Variants in CNTLN observed in about 807,000 individuals in gnomAD.
CNTLN encodes the protein centlein, centrosomal protein.
Under a neutral mutation model 180.0 loss-of-function variants are expected in CNTLN, and 212 were observed. The ratio of observed to expected loss-of-function variants is 1.18; its 90% CI spans 1.05 to 1.32. The LOEUF is 1.32. Among genes scored for constraint, CNTLN ranks in the 40% most tolerant of loss-of-function variants. CNTLN has a pLI of 0.00. For missense variants in CNTLN, 2,095 were observed against 1,610.9 expected (o/e 1.30, Z -5.14); for synonymous variants, 722 against 563.1 (o/e 1.28, Z -3.99).
rs1228172437 is a variant in CNTLN at position 17,178,828 on chromosome 9, C to T, written c.449+35452C>T. Among the ~76,000 whole-genome samples, 4 of 152,262 alleles carry T rather than the reference C, an allele frequency of 2.6e-5. No individual in the cohort carries two copies. The South Asian group carries it at 8.3e-4, about 31-fold the overall frequency. ...GGCCTTGGCCAGCCCAGCAAGGGCTCCCACAGTGCAGCGGTGGGCTGAAGG... is the reference window on the plus strand; with the variant it reads ...GGCCTTGGCCAGCCCAGCAAGGGCTTCCACAGTGCAGCGGTGGGCTGAAGG... On this transcript the variant is annotated intron_variant, in intron 2 of 25. Coordinates refer to ENST00000380647, the MANE Select transcript of CNTLN (RefSeq NM_017738.4).
At chr9:17,181,101 G>A (rs1477059283) in intron 2 of CNTLN, among the ~76,000 whole-genome samples, 1 of 152,128 alleles carries the variant, frequency 6.6e-6, no homozygotes, top group African/African-American at 2.4e-5. Flanking sequence ...TGCCAAACTT[G>A]ATAAATTTTG....
chr9:17,409,551 G>T (rs984662512), intron 16 of CNTLN, 78 bp downstream of exon 16: 2 of 1,024,874 alleles, frequency 2.0e-6, no homozygotes, highest in East Asian at 2.6e-5. Context: ...GTAAATAAAT[G>T]TTACTACTGA....
chr9:17,273,075 T>A (rs1828060155), intron 5 of CNTLN, among the ~76,000 whole-genome samples: 1 of 152,110 alleles, frequency 6.6e-6, no homozygotes, highest in Non-Finnish European at 1.5e-5. Context: ...GGTGTTTCTG[T>A]TGGCATACTT....
chr9:17,330,940 C>A, intron 9 of CNTLN, 132 bp downstream of exon 9: 1 of 737,230 alleles, frequency 1.4e-6, no homozygotes, highest in Non-Finnish European at 2.2e-6. Context: ...TATTATGTAC[C>A]GAACTCTTGT....
intron 5 of CNTLN, among the ~76,000 whole-genome samples, chr9:17,258,506 T>C (rs1469554364): frequency 2.0e-5 from 3 of 151,384 alleles, no homozygotes. Context: ...TTTTTCCAAT[T>C]CTGTGAAGAA....
rs1422643855 is a variant in CNTLN, at chr9:17,502,716, G to A, written c.*64G>A. On this transcript the variant is annotated 3_prime_UTR_variant, in exon 26 of 26. Transcript: ENST00000380647. ...TTTATGTGGTGTGATTGGAATACATGCATTGCAATCCTGACACGGTATCTG... is the reference window on the plus strand; with the variant it reads ...TTTATGTGGTGTGATTGGAATACATACATTGCAATCCTGACACGGTATCTG... 8.8e-6 allele frequency: 5 copies of A among 570,022 alleles called. No homozygotes were observed. Among genetic ancestry groups the A allele is most frequent in the Non-Finnish European group, 1.2e-5 (4 of 331,462 alleles). The allele number at this position is 570,022 out of a possible 1,614,324, so 35.3% of individuals were successfully genotyped here.
At chr9:17,525,957 A>C in the CNTLN span, among the ~76,000 whole-genome samples, 1 of 151,814 alleles carries the variant, frequency 6.6e-6, no homozygotes, top group Non-Finnish European at 1.5e-5. Context: ...TTTTTTTGAG[A>C]CAGAGTCTTG....
intron 6 of CNTLN, among the ~76,000 whole-genome samples, chr9:17,292,493 G>C (rs541473964): frequency 1.3e-5 from 2 of 151,952 alleles, no homozygotes; most frequent in Admixed American, 1.3e-4. Context: ...TGGAGGTTTT[G>C]TTTCTTTTCA....
At chr9:17,421,482 G>A (rs1002885590) in intron 18 of CNTLN, among the ~76,000 whole-genome samples, 1 of 151,908 alleles carries the variant, frequency 6.6e-6, no homozygotes, top group Non-Finnish European at 1.5e-5. Flanking sequence ...TGAGTTTCTT[G>A]TAGGTAGTGT....
At chr9:17,467,249 C>G (rs574210288) in intron 23 of CNTLN, among the ~76,000 whole-genome samples, 2 of 151,444 alleles carry the variant, frequency 1.3e-5, no homozygotes, top group Non-Finnish European at 3.0e-5. Context: ...GCTCAGTGTT[C>G]AGTGATGCTA....
chr9:17,459,628 T>C (rs10733337), intron 19 of CNTLN, among the ~76,000 whole-genome samples: 111,318 of 151,556 alleles, frequency 0.73, 42,991 homozygotes, highest in East Asian at 0.88. Flanking sequence ...CAAACGTATA[T>C]ATTATTCTCA....
chr9:17,357,617 A>T (rs1336842107), intron 12 of CNTLN, among the ~76,000 whole-genome samples: 2 of 54,826 alleles, frequency 3.6e-5, no homozygotes, highest in Non-Finnish European at 1.0e-4. Context: ...ATATATAAAT[A>T]CTACATATAT....
intron 5 of CNTLN, among the ~76,000 whole-genome samples, chr9:17,242,443 G>A (rs995008145): frequency 9.9e-5 from 15 of 152,208 alleles, no homozygotes; most frequent in African/African-American, 3.4e-4. Flanking sequence ...GAGTAACTGG[G>A]ATCACAGGTA....
In CNTLN at chr9:17,186,763, T is replaced by C. The variant is rs551076092; in HGVS notation, c.450-39440T>C. Among the ~76,000 whole-genome samples the C allele has an allele frequency of 1.2e-4, 18 of 152,314 alleles. No individual in the cohort carries two copies. The East Asian group carries it at 3.1e-3, about 26-fold the overall frequency. ...TTGCCTGAAATGTTTCAGAATATCA[T>C]TTGATCCTCCATATATGGATAGTTC... On this transcript the variant is annotated intron_variant, in intron 2 of 25. Transcript: ENST00000380647.
intron 15 of CNTLN, among the ~76,000 whole-genome samples, chr9:17,397,744 C>T (rs2133753731): frequency 6.6e-6 from 1 of 152,286 alleles, no homozygotes; most frequent in East Asian, 1.9e-4. Flanking sequence ...GACATTAGTG[C>T]ATGTGCACAA....
At chr9:17,427,136 C>T (rs896257458) in intron 18 of CNTLN, among the ~76,000 whole-genome samples, 1 of 152,124 alleles carries the variant, frequency 6.6e-6, no homozygotes, top group Admixed American at 6.5e-5. Context: ...GTCAAAGTTT[C>T]AGCTCCTGCT....
intron 2 of CNTLN, among the ~76,000 whole-genome samples, chr9:17,223,995 G>T (rs556788984): frequency 6.6e-6 from 1 of 152,000 alleles, no homozygotes; most frequent in East Asian, 1.9e-4. Flanking sequence ...CTTCCCTAGG[G>T]TCTTCATGAC....
intron 18 of CNTLN, among the ~76,000 whole-genome samples, chr9:17,455,890 C>T (rs940585197): frequency 6.6e-6 from 1 of 151,710 alleles, no homozygotes; most frequent in Non-Finnish European, 1.5e-5. Flanking sequence ...TCTTAGAGAG[C>T]CTTATTATCC....
chr9:17,135,194 C>T lies in CNTLN; in HGVS notation c.129C>T (p.Gly43=), dbSNP rs1372191925. The change falls in exon 1 of 26, where the codon GGC becomes GGT. Residue 43 remains glycine, a synonymous_variant. Coordinates refer to ENST00000380647, the MANE Select transcript of CNTLN (RefSeq NM_017738.4). ...GCAGCGAGGCCTCGGGTTTTGCCGG[C>T]GCAGCGCGGGAGGTGGTCGCGGACG... ...AMRSEASGFA[G]AAREVVADES... The T allele has an allele frequency of 6.2e-7, 1 of 1,610,686 alleles. No individual in the cohort carries two copies.
Sources: gnomAD v4.1 joint callset for allele counts (sites outside exome capture counted in the v4.1 genomes callset) on GRCh38, gnomAD v4.1.1 for gene constraint, MANE v1.5 for transcripts, NCBI Gene and HGNC (gene_info 2026-07-23, HGNC 2026-07-21) for gene names.